The following ZFHX3 variants were observed in gnomAD, a reference collection of about 807,000 sequenced individuals.
The protein encoded by ZFHX3 is zinc finger homeobox protein 3.
ZFHX3 carries 42 observed loss-of-function variants against 279.1 expected under a neutral mutation model. The observed-to-expected ratio is 0.15, with a 90% confidence interval of 0.12 to 0.19. The LOEUF (loss-of-function observed/expected upper bound fraction) is 0.19, where lower values mean the gene tolerates loss of function less well. Among genes scored for constraint, ZFHX3 ranks in the 10% least tolerant of loss-of-function variants. ZFHX3 has a pLI of 1.00. For missense variants in ZFHX3, 4,981 were observed against 4,754.0 expected (o/e 1.05, Z -1.40); for synonymous variants, 2,293 against 1,957.8 (o/e 1.17, Z -4.52).
At chr16:73,039,858 C>G (rs1326676771) in intron 1 of ZFHX3, among the ~76,000 whole-genome samples, 2 of 152,090 alleles carry the variant, frequency 1.3e-5, no homozygotes, top group African/African-American at 4.8e-5. Flanking sequence ...ACTCAGATAT[C>G]CAGGAGCAGG....
At chr16:72,931,404 TA>T (rs1959789514) in intron 3 of ZFHX3, among the ~76,000 whole-genome samples, 1 of 120,106 alleles carries the variant, frequency 8.3e-6, no homozygotes, top group Non-Finnish European at 1.7e-5. Context: ...TTTATTTCAT[TA>T]CACACACACA....
At chr16:73,167,318 C>T (rs1331034759) in intron 5 of ZFHX3, among the ~76,000 whole-genome samples, 2 of 152,320 alleles carry the variant, frequency 1.3e-5, no homozygotes, top group East Asian at 3.9e-4. Context: ...GACCAGCCCC[C>T]CTCCCTCCCA....
At chr16:73,654,616 G>A (rs557959227) in intron 2 of ZFHX3, among the ~76,000 whole-genome samples, 1 of 151,852 alleles carries the variant, frequency 6.6e-6, no homozygotes, top group Non-Finnish European at 1.5e-5. Context: ...AATACAGCAT[G>A]AATAATTTGG....
intron 1 of ZFHX3, among the ~76,000 whole-genome samples, chr16:73,710,117 A>T (rs1245205646): frequency 1.3e-5 from 2 of 152,200 alleles, no homozygotes; most frequent in African/African-American, 4.8e-5. Context: ...TGGGAGGTGG[A>T]CGTTGCAGTG....
intron 5 of ZFHX3, among the ~76,000 whole-genome samples, chr16:73,208,254 T>A (rs1021282751): frequency 6.6e-6 from 1 of 152,246 alleles, no homozygotes; most frequent in Non-Finnish European, 1.5e-5. Flanking sequence ...TACATCCATA[T>A]GATAAAATAT....
chr16:73,601,038 T>C (rs1277062713), intron 2 of ZFHX3, among the ~76,000 whole-genome samples: 1 of 152,122 alleles, frequency 6.6e-6, no homozygotes, highest in East Asian at 1.9e-4. Context: ...TGTTGAGTGT[T>C]TTATTAGCAA....
intron 2 of ZFHX3, among the ~76,000 whole-genome samples, chr16:72,955,286 T>A (rs996596486): frequency 5.9e-5 from 9 of 152,148 alleles, no homozygotes; most frequent in Non-Finnish European, 2.9e-5. Flanking sequence ...GAGGAAGAGC[T>A]CCAGTCTAAG....
At chr16:73,804,412 G>C (rs1393314560) in intron 1 of ZFHX3, among the ~76,000 whole-genome samples, 1 of 152,138 alleles carries the variant, frequency 6.6e-6, no homozygotes, top group African/African-American at 2.4e-5. Context: ...GTCCAAAATG[G>C]CACCTCTCAC....
rs116886462 is a variant in ZFHX3 at position 73,333,342 on chromosome 16, C to T, written c.-1290-15006G>A. On this transcript the variant is annotated intron_variant, in intron 3 of 17. Coordinates refer to the ZFHX3 transcript ENST00000641206. ...TATATAGACACAAGATACATAGACA[C>T]ATAGATGGATAGATACATAGACACA... 8.4e-3 allele frequency among the ~76,000 whole-genome samples: 1,277 copies of T among 152,066 alleles called. 9 individuals carry two copies. Among genetic ancestry groups the T allele is most frequent in the Middle Eastern group, 0.044 (13 of 294 alleles).
chr16:73,787,017 T>C (rs1269683223), intron 1 of ZFHX3, among the ~76,000 whole-genome samples: 2 of 152,216 alleles, frequency 1.3e-5, no homozygotes, highest in African/African-American at 4.8e-5. Context: ...TCTAGAATTT[T>C]AGTGACATTT....
chr16:73,378,030 C>CAAAAAAAAAAAAAAAA lies in ZFHX3; in HGVS notation c.-1290-59710_-1290-59695dup, dbSNP rs71156159. ...CCTGGGTGACAGAGAGACTCTGTCT[C>CAAAAAAAAAAAAAAAA]AAAAAAAAAAAAAAAAAAAAAAAAA... On this transcript the variant is annotated intron_variant, in intron 3 of 17. Transcript: ENST00000641206. Among the ~76,000 whole-genome samples, 11 of 53,840 alleles carry CAAAAAAAAAAAAAAAA rather than the reference C, an allele frequency of 2.0e-4. 1 individual carries two copies. The highest frequency in any genetic ancestry group is 2.3e-4 in the Non-Finnish European group (7 of 30,822). The allele number at this position is 53,840 out of a possible 152,430, so 35.3% of individuals were successfully genotyped here.
intron 5 of ZFHX3, among the ~76,000 whole-genome samples, chr16:73,251,687 CCACACACACA>C (rs1219746576): frequency 6.7e-6 from 1 of 149,528 alleles, no homozygotes; most frequent in Non-Finnish European, 1.5e-5. Context: ...CACATACACA[CCACACACACA>C]CATGCACACA....
At chr16:73,638,906 T>C (rs2052550507) in intron 2 of ZFHX3, among the ~76,000 whole-genome samples, 1 of 152,182 alleles carries the variant, frequency 6.6e-6, no homozygotes. Context: ...TCTTGGGGTA[T>C]GGCTTTAATC....
At chr16:73,810,958 G>A (rs914089030) in intron 1 of ZFHX3, among the ~76,000 whole-genome samples, 3 of 151,920 alleles carry the variant, frequency 2.0e-5, no homozygotes, top group African/African-American at 7.3e-5. Context: ...TCCTTTCTCT[G>A]GGCCTCTTGC....
At position 72,800,038 on chromosome 16, in the gene ZFHX3, C is replaced by T. The variant is rs199774638; in HGVS notation, c.3956G>A (p.Gly1319Glu). ...RDGNSNLEEA[G>E]KQPETSEDLG... ...ATAATGATACTGACCAGGCTGCTTT[C>T]CTGCCTCTTCCAAATTGGAATTCCC... Residue 1319 changes from glycine (G) to glutamate (E), a missense_variant, in exon 8 of 10, where the codon GGA becomes GAA. Coordinates refer to ENST00000268489, the MANE Select transcript of ZFHX3 (RefSeq NM_006885.4). The T allele has an allele frequency of 6.8e-6, 11 of 1,614,140 alleles. No homozygotes were observed. In the African/African-American group the frequency reaches 8.0e-5, roughly 12 times the overall value.
At chr16:73,696,784 C>G (rs1227632286) in intron 1 of ZFHX3, among the ~76,000 whole-genome samples, 6 of 152,270 alleles carry the variant, frequency 3.9e-5, no homozygotes, top group Non-Finnish European at 8.8e-5. Flanking sequence ...TCCATTCCAT[C>G]TGCTTGGCTG....
At chr16:73,181,081 GTTTGTTTTGTTTTGTTTTGT>G (rs375983001) in intron 5 of ZFHX3, among the ~76,000 whole-genome samples, 4 of 142,934 alleles carry the variant, frequency 2.8e-5, no homozygotes, top group African/African-American at 1.1e-4. Context: ...TTTTTTGTTT[GTTTGTTTTGTTTTGTTTTGT>G]TTTGTTTTGT....
chr16:73,114,123 C>T (rs370622044), intron 7 of ZFHX3, among the ~76,000 whole-genome samples: 1 of 151,556 alleles, frequency 6.6e-6, no homozygotes, highest in African/African-American at 2.4e-5. Flanking sequence ...GGGGGTCTCA[C>T]TCTGTTGCCC....
chr16:73,179,969 A>T (rs905645360), intron 5 of ZFHX3, among the ~76,000 whole-genome samples: 18 of 152,230 alleles, frequency 1.2e-4, no homozygotes, highest in Non-Finnish European at 2.2e-4. Flanking sequence ...AATGAGGGGA[A>T]AAAACACACA....
Sources: gnomAD v4.1 joint callset for allele counts (sites outside exome capture counted in the v4.1 genomes callset) on GRCh38, gnomAD v4.1.1 for gene constraint, MANE v1.5 for transcripts, NCBI Gene and HGNC (gene_info 2026-07-23, HGNC 2026-07-21) for gene names.